Variants in ZNF778 observed in about 807,000 individuals in gnomAD.
The protein encoded by ZNF778 is zinc finger protein 778.
Under a neutral mutation model 23.9 loss-of-function variants are expected in ZNF778, and 37 were observed. The ratio of observed to expected loss-of-function variants is 1.54; its 90% confidence interval spans 1.19 to 2.03. ZNF778 has a LOEUF of 2.03. ZNF778 is among the 30% of genes most tolerant of loss of function. The pLI is 0.00. For synonymous variants in ZNF778, 483 were observed against 343.9 expected (o/e 1.40, Z -4.48); for missense variants, 1,297 against 934.4 (o/e 1.39, Z -5.06).
Position 89,236,307 on chromosome 16 carries a change from G to A in ZNF778, c.*7745G>A, listed in dbSNP as rs1415188102. 1.3e-5 allele frequency: 2 copies of A among 152,178 alleles called. No homozygotes were observed. The highest frequency in any genetic ancestry group is 4.8e-5 in the African/African-American group (2 of 41,432). The allele number at this position is 152,178 out of a possible 1,614,324, so 9.4% of individuals were successfully genotyped here. A position where few individuals can be genotyped will look rare whatever the true frequency, so the allele number is the denominator to read the frequency against. On this transcript the variant is annotated 3_prime_UTR_variant, in exon 7 of 7. Transcript: ENST00000433976. ...CCAGAAGAACAATTCAATTGACCGGGTTTCTCGTCGGAAGCCATAGAGGCC... is the reference window on the plus strand; with the variant it reads ...CCAGAAGAACAATTCAATTGACCGGATTTCTCGTCGGAAGCCATAGAGGCC...
rs1449724414 is a variant in ZNF778 at position 89,229,152 on chromosome 16, G to A, written c.*590G>A. On this transcript the variant is annotated 3_prime_UTR_variant, in exon 7 of 7. Coordinates refer to ENST00000433976, the MANE Select transcript of ZNF778 (RefSeq NM_001201407.2). ...CCAGTCTGGTTGCTACAGTGTCCACGTCGCAGCCTGGCTAACAGTAGGCCT... is the reference window on the plus strand; with the variant it reads ...CCAGTCTGGTTGCTACAGTGTCCACATCGCAGCCTGGCTAACAGTAGGCCT... 8.1e-6 allele frequency: 8 copies of A among 985,910 alleles called. No homozygotes were observed. Among genetic ancestry groups the A allele is most frequent in the South Asian group, 9.4e-5 (2 of 21,316 alleles). The allele number at this position is 985,910 out of a possible 1,614,324, so 61.1% of individuals were successfully genotyped here.
intron 2 of ZNF778, among the ~76,000 whole-genome samples, chr16:89,221,583 C>CTGTGTG (rs35503385): frequency 3.8e-4 from 54 of 141,518 alleles, no homozygotes; most frequent in African/African-American, 1.2e-3. Context: ...CACTGTATGG[C>CTGTGTG]TGTGTGTGTG....
chr16:89,235,687 G>C lies in ZNF778; in HGVS notation c.*7125G>C, dbSNP rs572163469. 21 of 152,336 alleles carry C rather than the reference G, an allele frequency of 1.4e-4. No homozygotes were observed. The highest frequency in any genetic ancestry group is 5.1e-4 in the African/African-American group (21 of 41,566). 9.4% of individuals were successfully genotyped at this position (152,336 alleles called of 1,614,324 possible). A position where few individuals can be genotyped will look rare whatever the true frequency, so the allele number is the denominator to read the frequency against. ...ATATGTGCAACAGCCTTGGGGAGCA[G>C]TGTTATGATACCAAATGGCTAACAT... On this transcript the variant is annotated 3_prime_UTR_variant, in exon 7 of 7. Transcript: ENST00000433976.
chr16:89,227,088 G>T lies in ZNF778; in HGVS notation c.800G>T (p.Gly267Val). ...PCGKALTHSMGCATPVEMHAV... is the reference protein window; with the variant it reads ...PCGKALTHSMVCATPVEMHAV... ...GGGAAAGCTCTAACTCACTCCATGG[G>T]CTGCGCCACACCTGTTGAAATGCAT... The change falls in exon 7 of 7, where the codon GGC becomes GTC. Residue 267 changes from glycine to valine, a missense_variant. Transcript: ENST00000433976. 6.2e-7 allele frequency: 1 copy of T among 1,613,974 alleles called. No individual in the cohort carries two copies. The highest frequency in any genetic ancestry group is 2.2e-5 in the East Asian group (1 of 44,888).
Position 89,236,437 on chromosome 16 carries a change from G to A in ZNF778, c.*7875G>A, listed in dbSNP as rs1173011130. 4 of 152,138 alleles carry A rather than the reference G, an allele frequency of 2.6e-5. No individual in the cohort carries two copies. Among genetic ancestry groups the A allele is most frequent in the East Asian group, 1.9e-4 (1 of 5,198 alleles). 9.4% of individuals were successfully genotyped at this position (152,138 alleles called of 1,614,324 possible). On this transcript the variant is annotated 3_prime_UTR_variant, in exon 7 of 7. Transcript: ENST00000433976. ...CCTTTAGGAATGAAACAGAAGTAAC[G>A]ATGAGGCAATACAAAGAATTGCCTG... is the stretch of plus-strand genomic sequence containing the variant.
At chr16:89,226,329 C>T in intron 6 of ZNF778, among the ~76,000 whole-genome samples, 1 of 152,122 alleles carries the variant, frequency 6.6e-6, no homozygotes, top group East Asian at 1.9e-4. Context: ...CCTCAGCCTC[C>T]TGAGTAGCTG....
Position 89,223,232 on chromosome 16 carries a change from G to T in ZNF778, c.193G>T (p.Asp65Tyr), listed in dbSNP as rs1410886056. 1 of 1,613,872 alleles carries T rather than the reference G, an allele frequency of 6.2e-7. No individual in the cohort carries two copies. Among genetic ancestry groups the T allele is most frequent in the Non-Finnish European group, 8.5e-7 (1 of 1,179,956 alleles). Residue 65 changes from aspartate to tyrosine, a missense_variant, in exon 4 of 7, where the codon GAC becomes TAC. Coordinates refer to ENST00000433976, the MANE Select transcript of ZNF778 (RefSeq NM_001201407.2). ...GACTTTACTGGACCCATCTCAGAGAGACCTCTACAGAGATGTGATGCTGGA... is the reference window on the plus strand; with the variant it reads ...GACTTTACTGGACCCATCTCAGAGATACCTCTACAGAGATGTGATGCTGGA... ...EWTLLDPSQR[D>Y]LYRDVMLENY...
rs767529015 is a variant in ZNF778, at chr16:89,226,777, C to G, written c.489C>G (p.His163Gln). ...AFSEHSGLST[H>Q]VRTQNTGDSC... ...GTGAACACTCAGGCCTCAGCACACA[C>G]GTGAGAACTCAAAATACAGGAGACA... Residue 163 changes from histidine to glutamine, a missense_variant, in exon 7 of 7, where the codon CAC becomes CAG. Coordinates refer to ENST00000433976, the MANE Select transcript of ZNF778 (RefSeq NM_001201407.2). 3.7e-6 allele frequency: 6 copies of G among 1,613,962 alleles called. No homozygotes were observed. The South Asian group carries it at 5.5e-5, about 15-fold the overall frequency.
In ZNF778 at chr16:89,221,005, G is replaced by C. The variant is rs533632719; in HGVS notation, c.-123G>C. On this transcript the variant is annotated 5_prime_UTR_variant, in exon 2 of 7. Transcript: ENST00000433976. The stretch of plus-strand genomic sequence containing the variant: ...TTCATCATGATTGCTAGGAAATAGG[G>C]ATCCAGCCATCCGTGGGTCAGGAGG... 7.6e-5 allele frequency: 78 copies of C among 1,027,668 alleles called. 1 individual carries two copies. The highest frequency in any genetic ancestry group is 6.6e-4 in the South Asian group (46 of 69,646). The allele number at this position is 1,027,668 out of a possible 1,614,324, so 63.7% of individuals were successfully genotyped here. A position where few individuals can be genotyped will look rare whatever the true frequency, so the allele number is the denominator to read the frequency against.
chr16:89,233,054 TGC>T lies in ZNF778; in HGVS notation c.*4494_*4495del, dbSNP rs2032044197. 3 of 1,238,710 alleles carry T rather than the reference TGC, an allele frequency of 2.4e-6. No homozygotes were observed. The Admixed American group carries it at 7.7e-5, about 32-fold the overall frequency. The allele number at this position is 1,238,710 out of a possible 1,614,324, so 76.7% of individuals were successfully genotyped here. ...ACTGCGTATGCAACTCAGCTCGCTC[TGC>T]GTATGCAACTCAGCTCGCACTGCGT... On this transcript the variant is annotated 3_prime_UTR_variant, in exon 7 of 7. Transcript: ENST00000433976.
Position 89,221,141 on chromosome 16 carries a change from A to C in ZNF778, c.14A>C (p.Asp5Ala). The C allele has an allele frequency of 6.4e-7, 1 of 1,566,188 alleles. No homozygotes were observed. Among genetic ancestry groups the C allele is most frequent in the Non-Finnish European group, 8.7e-7 (1 of 1,155,080 alleles). ...CAGCCTCCCAGGATGGCAGCCCCTG[A>C]CCTGGCCCACGGTAAGTCCTGGTGG... MAAPDLAHGGHVSRD... is the reference protein window; with the variant it reads MAAPALAHGGHVSRD... The change falls in exon 2 of 7, where the codon GAC becomes GCC. Residue 5 changes from aspartate (D) to alanine (A), a missense_variant. By Grantham distance (126) the Asp-to-Ala change is moderately radical (BLOSUM62 -2). Transcript: ENST00000433976.
At chr16:89,225,292 T>C (rs956721674) in intron 5 of ZNF778, among the ~76,000 whole-genome samples, 5 of 151,918 alleles carry the variant, frequency 3.3e-5, no homozygotes, top group Non-Finnish European at 5.9e-5. Flanking sequence ...AGTTTGTGTT[T>C]TGAATGTATG....
intron 4 of ZNF778, among the ~76,000 whole-genome samples, chr16:89,223,655 T>C (rs1016599955): frequency 6.6e-6 from 1 of 152,220 alleles, no homozygotes; most frequent in African/African-American, 2.4e-5. Context: ...GCACTTCTGT[T>C]ATTTCCTATT....
Position 89,230,119 on chromosome 16 carries a change from C to T in ZNF778, c.*1557C>T. 1 of 788,044 alleles carries T rather than the reference C, an allele frequency of 1.3e-6. No individual in the cohort carries two copies. Among genetic ancestry groups the T allele is most frequent in the Non-Finnish European group, 1.5e-6 (1 of 651,132 alleles). 48.8% of individuals were successfully genotyped at this position (788,044 alleles called of 1,614,324 possible). The stretch of plus-strand genomic sequence containing the variant: ...ACCCACCTGTAGGGTCCCACACTGG[C>T]CAATGTTGGGGCATAACACAGCTCT... On this transcript the variant is annotated 3_prime_UTR_variant, in exon 7 of 7. Transcript: ENST00000433976.
chr16:89,228,595 T>A lies in ZNF778; in HGVS notation c.*33T>A, dbSNP rs1472464165. The A allele has an allele frequency of 1.3e-6, 2 of 1,536,420 alleles. No individual in the cohort carries two copies. The highest frequency in any genetic ancestry group is 8.7e-7 in the Non-Finnish European group (1 of 1,148,098). On this transcript the variant is annotated 3_prime_UTR_variant, in exon 7 of 7. Transcript: ENST00000433976. ...AATGTGGGGAAGCTGTCAGCTACAC[T>A]CATTCACGTTGAAGACATGAAAGAC...
In ZNF778 at chr16:89,234,310, C is replaced by A. The variant is rs960945643; in HGVS notation, c.*5748C>A. On this transcript the variant is annotated 3_prime_UTR_variant, in exon 7 of 7. Transcript: ENST00000433976. The stretch of plus-strand genomic sequence containing the variant: ...AGGAACTGCCATGTTGACTCCTGGG[C>A]AGTTTTATTCTTTCTCTCTACTCGT... 1 of 334,286 alleles carries A rather than the reference C, an allele frequency of 3.0e-6. No homozygotes were observed. Among genetic ancestry groups the A allele is most frequent in the Non-Finnish European group, 5.9e-6 (1 of 170,558 alleles). The allele number at this position is 334,286 out of a possible 1,614,324, so 20.7% of individuals were successfully genotyped here.
Position 89,228,199 on chromosome 16 carries a change from A to G in ZNF778, c.1911A>G (p.Arg637=). 2 of 1,613,318 alleles carry G rather than the reference A, an allele frequency of 1.2e-6. No homozygotes were observed. The highest frequency in any genetic ancestry group is 1.7e-6 in the Non-Finnish European group (2 of 1,179,592). ...CCTCACACCTTATCGTGCACATAAG[A>G]ACCCACACCGGTGAGAAACCCTACA... ...TTSSHLIVHI[R]THTGEKPYIC... The change falls in exon 7 of 7, where the codon AGA becomes AGG. Residue 637 remains arginine, a synonymous_variant. Transcript: ENST00000433976.
rs2032236198 is a variant in ZNF778 at position 89,236,349 on chromosome 16, G to A, written c.*7787G>A. 1 of 152,180 alleles carries A rather than the reference G, an allele frequency of 6.6e-6. No individual in the cohort carries two copies. The highest frequency in any genetic ancestry group is 1.9e-4 in the East Asian group (1 of 5,200). 9.4% of individuals were successfully genotyped at this position (152,180 alleles called of 1,614,324 possible). A position where few individuals can be genotyped will look rare whatever the true frequency, so the allele number is the denominator to read the frequency against. On this transcript the variant is annotated 3_prime_UTR_variant, in exon 7 of 7. Transcript: ENST00000433976. The stretch of plus-strand genomic sequence containing the variant: ...ATAGAGGCCAACAGGAAATGTAGGA[G>A]CATTTTTCAAGTTCTGAAATAAAAA...
chr16:89,227,006 C>A lies in ZNF778; in HGVS notation c.718C>A (p.Leu240Ile). Residue 240 changes from leucine to isoleucine, a missense_variant, in exon 7 of 7, where the codon CTT becomes ATT. Coordinates refer to ENST00000433976, the MANE Select transcript of ZNF778 (RefSeq NM_001201407.2). The stretch of plus-strand genomic sequence containing the variant: ...GGAAGTGTTCCTTAATCAGTCATAC[C>A]TTCAGGCACGTGCGGGAAGTCACAA... ...CGEVFLNQSY[L>I]QARAGSHNGE... 6.2e-7 allele frequency: 1 copy of A among 1,613,978 alleles called. No individual in the cohort carries two copies. The highest frequency in any genetic ancestry group is 8.5e-7 in the Non-Finnish European group (1 of 1,179,890).
Sources: gnomAD v4.1 joint callset for allele counts (sites outside exome capture counted in the v4.1 genomes callset) on GRCh38, gnomAD v4.1.1 for gene constraint, MANE v1.5 for transcripts, NCBI Gene and HGNC (gene_info 2026-07-23, HGNC 2026-07-21) for gene names.